Variants in CTNNB1 observed in about 807,000 individuals in gnomAD.
CTNNB1 encodes the protein catenin beta 1, also known as catenin beta-1.
Under a neutral mutation model 82.5 loss-of-function variants are expected in CTNNB1, and 6 were observed. That is an observed-to-expected ratio of 0.07 (90% CI 0.04 to 0.14). The LOEUF is 0.14. CTNNB1 is among the 10% of genes least tolerant of loss of function. The pLI is 1.00. For missense variants in CTNNB1, 529 were observed against 980.4 expected, an observed-to-expected ratio of 0.54 and a Z score of 6.15; for synonymous variants, 312 against 329.7, an observed-to-expected ratio of 0.95 and a Z score of 0.58.
intron 7 of CTNNB1, among the ~76,000 whole-genome samples, chr3:41,228,636 T>TTGCCAGTACTTTCTCCCA (rs1394814110): frequency 1.3e-5 from 2 of 152,330 alleles, no homozygotes; most frequent in African/African-American, 2.4e-5. Flanking sequence ...GATGCATAGT[T>TTGCCAGTACTTTCTCCCA]TGCCAGTACT....
chr3:41,202,771 A>T (rs2077561819), intron 1 of CTNNB1, among the ~76,000 whole-genome samples: 1 of 152,070 alleles, frequency 6.6e-6, no homozygotes, highest in African/African-American at 2.4e-5. Flanking sequence ...TGTTGATCTA[A>T]ATGAGTATAG....
chr3:41,236,764 G>A (rs2125647818), intron 13 of CTNNB1, 55 bp downstream of exon 13: 1 of 1,610,740 alleles, frequency 6.2e-7, no homozygotes, highest in Non-Finnish European at 8.5e-7. Context: ...AGGTATGGCA[G>A]CTTGTTCTTT....
chr3:41,220,158 A>C (rs1018347670), intron 1 of CTNNB1, among the ~76,000 whole-genome samples: 2 of 152,034 alleles, frequency 1.3e-5, no homozygotes, highest in African/African-American at 4.8e-5. Flanking sequence ...TTCTGGAAAC[A>C]TACTAATTTT....
chr3:41,225,641 G>T lies in CTNNB1; in HGVS notation c.735-19G>T, dbSNP rs1226964307. ...GTATACTCACAATATTTCTGATGAG[G>T]CTTTTTTCTTCTTCCCAGTTCACCA... On this transcript the variant is annotated intron_variant, in intron 5 of 14. Coordinates refer to ENST00000349496, the MANE Select transcript of CTNNB1 (RefSeq NM_001904.4). This position sits in a 1 kb window ranked among gnomAD's most constrained non-coding sequence, Gnocchi z 5.3. The T allele has an allele frequency of 2.5e-6, 4 of 1,613,774 alleles. No homozygotes were observed. The highest frequency in any genetic ancestry group is 2.7e-5 in the African/African-American group (2 of 74,876).
intron 10 of CTNNB1, chr3:41,235,471 T>C: frequency 1.9e-6 from 1 of 537,138 alleles, no homozygotes; most frequent in South Asian, 2.1e-5. Context: ...GTAGGAAAGT[T>C]GTCTTTGGGA....
chr3:41,201,183 A>G (rs1359047430), intron 1 of CTNNB1, among the ~76,000 whole-genome samples: 1 of 152,208 alleles, frequency 6.6e-6, no homozygotes, highest in African/African-American at 2.4e-5. Context: ...ACTTGTATTC[A>G]TCCTAAGAAA....
At chr3:41,224,933 T>TTC (rs772221205) in intron 3 of CTNNB1, 21 bp from the exon 4 acceptor site, 2 of 1,614,008 alleles carry the variant, frequency 1.2e-6, no homozygotes, top group Non-Finnish European at 1.7e-6. Context: ...GGATAGTGAG[T>TTC]GTTGAATTAA....
At chr3:41,218,443 G>C (rs967933101) in intron 1 of CTNNB1, among the ~76,000 whole-genome samples, 1 of 151,932 alleles carries the variant, frequency 6.6e-6, no homozygotes, top group Non-Finnish European at 1.5e-5. Context: ...ATTTACTCTC[G>C]TATGTATCTC....
At chr3:41,223,671 A>G (rs2125615039) in intron 1 of CTNNB1, among the ~76,000 whole-genome samples, 3 of 152,364 alleles carry the variant, frequency 2.0e-5, no homozygotes, top group African/African-American at 7.2e-5. Context: ...AGAGACCTTT[A>G]GGAATTCAGA....
chr3:41,223,961 C>T (rs1057389394), intron 1 of CTNNB1, 60 bp from the exon 2 acceptor site: 4 of 1,196,962 alleles, frequency 3.3e-6, no homozygotes, highest in East Asian at 2.3e-5. Context: ...ATCCCAGTGA[C>T]TTAGGAGTAT....
chr3:41,232,163 A>T (rs1479257236), intron 7 of CTNNB1, among the ~76,000 whole-genome samples: 1 of 152,116 alleles, frequency 6.6e-6, no homozygotes, highest in Non-Finnish European at 1.5e-5. Flanking sequence ...GAACTGCTGA[A>T]TCAGAATGTG....
At chr3:41,228,703 T>C (rs1161929208) in intron 7 of CTNNB1, among the ~76,000 whole-genome samples, 1 of 152,250 alleles carries the variant, frequency 6.6e-6, no homozygotes, top group Non-Finnish European at 1.5e-5. Flanking sequence ...CTCTGTTGAT[T>C]TCTTTTGCTG....
Position 41,240,115 on chromosome 3 carries a change from CATAATCACTCTAATTAATTGTAATCTGA to C in CTNNB1, c.*778_*805del, listed in dbSNP as rs2078546121. 6.1e-6 allele frequency: 1 copy of C among 164,946 alleles called. No homozygotes were observed. The highest frequency in any genetic ancestry group is 1.3e-5 in the Non-Finnish European group (1 of 79,962). 10.2% of individuals were successfully genotyped at this position (164,946 alleles called of 1,614,324 possible). ...TGAGTAATGGTGTAGAACACTAATTCATAATCACTCTAATTAATTGTAATCTGAATAAAGTGTAACAATTGTGTAGCCT... is the reference window on the plus strand; with the variant it reads ...TGAGTAATGGTGTAGAACACTAATTCATAAAGTGTAACAATTGTGTAGCCT... On this transcript the variant is annotated 3_prime_UTR_variant, in exon 15 of 15. Transcript: ENST00000349496.
At position 41,211,592 on chromosome 3, in the gene CTNNB1, T is replaced by A. The variant is rs146985849; in HGVS notation, c.-49+11922T>A. Among the ~76,000 whole-genome samples, 6 of 152,334 alleles carry A rather than the reference T, an allele frequency of 3.9e-5. No individual in the cohort carries two copies. In the East Asian group the frequency reaches 1.2e-3, roughly 29 times the overall value. On this transcript the variant is annotated intron_variant, in intron 1 of 14. Transcript: ENST00000349496. ...TATCTTTATGTCCATGTGTACCAAA[T>A]GTTTAGCTCATTCTTGTGAGAACAT...
At chr3:41,213,824 A>G (rs1273496681) in intron 1 of CTNNB1, among the ~76,000 whole-genome samples, 1 of 152,224 alleles carries the variant, frequency 6.6e-6, no homozygotes, top group African/African-American at 2.4e-5. Context: ...CTGTATTGAA[A>G]TAACGAAAAG....
At chr3:41,217,140 C>A (rs1405576379) in intron 1 of CTNNB1, among the ~76,000 whole-genome samples, 1 of 152,130 alleles carries the variant, frequency 6.6e-6, no homozygotes, top group Admixed American at 6.5e-5. Context: ...CTTTCAAAAC[C>A]TTTACCACAT....
Position 41,209,561 on chromosome 3 carries a change from A to T in CTNNB1, c.-49+9891A>T, listed in dbSNP as rs1224771021. On this transcript the variant is annotated intron_variant, in intron 1 of 14. Transcript: ENST00000349496. Reference sequence around the variant, plus strand: ...ACGTGTCATTTTATGATGGGGATACATTCAGAAATGCGTCATTAGGAGATA... The same window carrying T: ...ACGTGTCATTTTATGATGGGGATACTTTCAGAAATGCGTCATTAGGAGATA... Among the ~76,000 whole-genome samples, 9 of 152,354 alleles carry T rather than the reference A, an allele frequency of 5.9e-5. No homozygotes were observed. The East Asian group carries it at 1.7e-3, about 29-fold the overall frequency.
chr3:41,234,125 CTTCT>C lies in CTNNB1; in HGVS notation c.1525-13_1525-10del. Reference sequence around the variant, plus strand: ...TTGTTGAGTTGTATGCCAGTTCTTCCTTCTGTTTTTCAGGCTACTGTTGGATTGA... The same window carrying C: ...TTGTTGAGTTGTATGCCAGTTCTTCCGTTTTTCAGGCTACTGTTGGATTGA... On this transcript the variant is annotated splice_polypyrimidine_tract_variant and intron_variant, in intron 9 of 14. Coordinates refer to ENST00000349496, the MANE Select transcript of CTNNB1 (RefSeq NM_001904.4). 1 of 1,614,102 alleles carries C rather than the reference CTTCT, an allele frequency of 6.2e-7. No homozygotes were observed. Among genetic ancestry groups the C allele is most frequent in the Non-Finnish European group, 8.5e-7 (1 of 1,180,010 alleles).
intron 1 of CTNNB1, chr3:41,200,285 G>A (rs1179098988): frequency 3.9e-5 from 6 of 152,086 alleles, no homozygotes; most frequent in Non-Finnish European, 7.3e-5. Context: ...TTAAACCTTA[G>A]AGCAACTAAA....
Sources: gnomAD v4.1 joint callset for allele counts (sites outside exome capture counted in the v4.1 genomes callset) on GRCh38, gnomAD v4.1.1 for gene constraint, Gnocchi (gnomAD v3.1) non-coding constraint, MANE v1.5 for transcripts, NCBI Gene and HGNC (gene_info 2026-07-23, HGNC 2026-07-21) for gene names.